ZAP70: variants seen among roughly 807,000 people sequenced by gnomAD.
ZAP70 encodes the protein tyrosine-protein kinase ZAP-70.
A neutral mutation model predicts 65.8 loss-of-function variants in ZAP70; 27 were observed. The ratio of observed to expected loss-of-function variants is 0.41; its 90% CI spans 0.30 to 0.57. The LOEUF (loss-of-function observed/expected upper bound fraction) is 0.57, where lower values mean the gene tolerates loss of function less well. Ranked by LOEUF, ZAP70 falls within the 20% of genes least tolerant of loss-of-function variation. ZAP70 has a pLI of 0.28. For synonymous variants in ZAP70, 363 were observed against 360.8 expected (o/e 1.01, Z -0.07); for missense variants, 696 against 870.5 (o/e 0.80, Z 2.52).
chr2:97,746,964 A>C, the ZAP70 span, among the ~76,000 whole-genome samples: 2 of 152,246 alleles, frequency 1.3e-5, no homozygotes, highest in African/African-American at 4.8e-5. Flanking sequence ...TAATGAGCAC[A>C]TGAAAAGATT....
chr2:97,724,640 G>T (rs1219401235), intron 3 of ZAP70: 2 of 1,531,892 alleles, frequency 1.3e-6, no homozygotes, highest in East Asian at 2.5e-5. Context: ...GTCGCCTTCC[G>T]CAGGCTGAGC....
chr2:97,722,557 G>A (rs1559319000), intron 2 of ZAP70, among the ~76,000 whole-genome samples: 2 of 152,174 alleles, frequency 1.3e-5, no homozygotes, highest in East Asian at 3.8e-4. Context: ...AGAGTTCAAT[G>A]TTAGTGAATC....
At chr2:97,717,235 G>A (rs1487992447) in intron 2 of ZAP70, among the ~76,000 whole-genome samples, 3 of 151,694 alleles carry the variant, frequency 2.0e-5, no homozygotes, top group Non-Finnish European at 4.4e-5. Flanking sequence ...CCAGGAGCTG[G>A]AGTGGGAACA....
At chr2:97,730,351 A>C (rs1042214224) in intron 4 of ZAP70, among the ~76,000 whole-genome samples, 2 of 152,160 alleles carry the variant, frequency 1.3e-5, no homozygotes, top group Non-Finnish European at 2.9e-5. Flanking sequence ...GAGCTTACTC[A>C]TGTGGCCACA....
chr2:97,734,682 C>G lies in ZAP70; in HGVS notation c.1052C>G (p.Ser351Ter). Residue 351 changes from serine (S) to a stop codon, truncating the protein, a stop_gained, in exon 9 of 14, where the codon TCA (serine) becomes TGA (stop). Transcript: ENST00000264972. LOFTEE classifies it high-confidence loss of function. ...GAACTTGGCTGCGGCAACTTTGGCT[C>G]AGTGCGCCAGGGCGTGTACCGCATG... ...DIELGCGNFG[S>*]VRQGVYRMRK... 1 of 1,614,112 alleles carries G rather than the reference C, an allele frequency of 6.2e-7. No homozygotes were observed.
intron 2 of ZAP70, among the ~76,000 whole-genome samples, chr2:97,717,730 TTTTCACAGCA>T (rs1249904584): frequency 6.6e-6 from 1 of 152,272 alleles, no homozygotes; most frequent in Non-Finnish European, 1.5e-5. Context: ...TTTAATGTGC[TTTTCACAGCA>T]TTTGAAACTG....
In ZAP70 at chr2:97,715,093, T is replaced by C. The variant is rs1676854223; in HGVS notation, c.-22+1099T>C. ...AAACCCTCATTATCCTCACTAGCTC[T>C]GGGTGGCCTCGGGCTCTGGACTCCA... On this transcript the variant is annotated intron_variant, in intron 2 of 13. Coordinates refer to ENST00000264972, the MANE Select transcript of ZAP70 (RefSeq NM_001079.4). The surrounding 1 kb of genome is among the most constrained non-coding windows in gnomAD (Gnocchi z 4.1). Among the ~76,000 whole-genome samples, 1 of 152,148 alleles carries C rather than the reference T, an allele frequency of 6.6e-6. No individual in the cohort carries two copies. The highest frequency in any genetic ancestry group is 1.5e-5 in the Non-Finnish European group (1 of 68,020).
intron 9 of ZAP70, chr2:97,735,000 C>G: frequency 1.5e-6 from 1 of 648,154 alleles, no homozygotes; most frequent in South Asian, 1.9e-5. Context: ...TGACAGGCTG[C>G]CCCTGGGGAG....
chr2:97,729,493 T>G (rs755631723), intron 4 of ZAP70, among the ~76,000 whole-genome samples: 1 of 152,126 alleles, frequency 6.6e-6, no homozygotes, highest in Admixed American at 6.5e-5. Flanking sequence ...TTGTGGGGAG[T>G]GCTGTGATTA....
chr2:97,725,557 A>G (rs553297061), intron 4 of ZAP70, among the ~76,000 whole-genome samples: 9 of 152,266 alleles, frequency 5.9e-5, no homozygotes, highest in South Asian at 2.1e-4. Context: ...CCCTCCTTCA[A>G]TCAACAAATA....
intron 2 of ZAP70, among the ~76,000 whole-genome samples, chr2:97,718,123 C>T (rs889093753): frequency 6.6e-6 from 1 of 152,202 alleles, no homozygotes; most frequent in African/African-American, 2.4e-5. Flanking sequence ...CTGAGGGACG[C>T]GGCTCCTAAC....
intron 13 of ZAP70, 29 bp from the exon 14 acceptor site, chr2:97,739,346 G>A (rs755863503): frequency 6.2e-7 from 1 of 1,612,242 alleles, no homozygotes; most frequent in Non-Finnish European, 8.5e-7. Context: ...GGCGTGGTCA[G>A]CAGCCTGGAT....
At chr2:97,717,991 G>A (rs972209472) in intron 2 of ZAP70, among the ~76,000 whole-genome samples, 3 of 152,222 alleles carry the variant, frequency 2.0e-5, no homozygotes, top group Non-Finnish European at 4.4e-5. Context: ...TGATCCAGGG[G>A]CTGTAAGTTC....
downstream of ZAP70, among the ~76,000 whole-genome samples, chr2:97,741,475 C>T (rs935773125): frequency 5.4e-5 from 8 of 147,684 alleles, no homozygotes; most frequent in Admixed American, 4.7e-4. Context: ...CGTCCCCTCC[C>T]GGGTGATGTC....
intron 2 of ZAP70, among the ~76,000 whole-genome samples, chr2:97,721,661 T>C (rs1205546728): frequency 6.8e-6 from 1 of 147,848 alleles, no homozygotes; most frequent in Non-Finnish European, 1.5e-5. Context: ...CTTGGTCTCC[T>C]GACCTTGTGA....
chr2:97,742,312 G>C (rs909107261), downstream of ZAP70, among the ~76,000 whole-genome samples: 2 of 152,226 alleles, frequency 1.3e-5, no homozygotes, highest in African/African-American at 4.8e-5. Context: ...ATATCTTATT[G>C]TGTAAATTAA....
chr2:97,731,235 G>C lies in ZAP70; in HGVS notation c.564-1648G>C, dbSNP rs1677591632. Among the ~76,000 whole-genome samples the C allele has an allele frequency of 6.6e-6, 1 of 152,060 alleles. No individual in the cohort carries two copies. The highest frequency in any genetic ancestry group is 1.5e-5 in the Non-Finnish European group (1 of 67,998). On this transcript the variant is annotated intron_variant, in intron 4 of 13. Coordinates refer to ENST00000264972, the MANE Select transcript of ZAP70 (RefSeq NM_001079.4). The surrounding 1 kb of genome is among the most constrained non-coding windows in gnomAD (Gnocchi z 4.0). ...TCACCTCCAGGCCAGCCTGCCACCT[G>C]CCTCTGACTTCCACAGCTCTGAGAC...
chr2:97,741,505 C>A (rs539399729), downstream of ZAP70, among the ~76,000 whole-genome samples: 1 of 151,084 alleles, frequency 6.6e-6, no homozygotes, highest in Non-Finnish European at 1.5e-5. Flanking sequence ...AGCTCCCCGT[C>A]CCCCCCAGGT....
the ZAP70 span, among the ~76,000 whole-genome samples, chr2:97,748,643 C>T: frequency 3.3e-5 from 5 of 152,168 alleles, no homozygotes; most frequent in South Asian, 2.1e-4. Context: ...TCTGGGCCAT[C>T]CCCTCACTCC....
Sources: allele counts gnomAD v4.1 joint callset (sites outside exome capture counted in the v4.1 genomes callset), GRCh38; gene constraint gnomAD v4.1.1; non-coding constraint Gnocchi (gnomAD v3.1); transcripts MANE v1.5; gene names NCBI Gene and HGNC (gene_info 2026-07-23, HGNC 2026-07-21).